Variants in GABRG3 observed in about 807,000 individuals in gnomAD.
GABRG3 encodes the protein gamma-aminobutyric acid receptor subunit gamma-3.
A neutral mutation model predicts 48.8 loss-of-function variants in GABRG3; 25 were observed. The observed-to-expected ratio is 0.51, with a 90% CI of 0.37 to 0.72. GABRG3 has a LOEUF of 0.72. GABRG3 is among the 30% of genes least tolerant of loss of function. GABRG3 has a pLI of 0.00. For synonymous variants in GABRG3, 227 were observed against 217.6 expected (o/e 1.04, Z -0.38); for missense variants, 394 against 577.9 (o/e 0.68, Z 3.26).
intron 6 of GABRG3, among the ~76,000 whole-genome samples, chr15:27,499,189 A>G (rs1247451832): frequency 6.6e-6 from 1 of 152,236 alleles, no homozygotes; most frequent in Non-Finnish European, 1.5e-5. Flanking sequence ...TTAATTTGAT[A>G]CAAAGATATA....
intron 3 of GABRG3, among the ~76,000 whole-genome samples, chr15:27,222,559 A>G (rs1889486005): frequency 6.6e-6 from 1 of 152,206 alleles, no homozygotes; most frequent in Non-Finnish European, 1.5e-5. Context: ...ATGGGTGCAT[A>G]TTGCAGGAAC....
At chr15:27,250,288 C>A (rs76628401) in intron 3 of GABRG3, among the ~76,000 whole-genome samples, 1 of 152,158 alleles carries the variant, frequency 6.6e-6, no homozygotes, top group Non-Finnish European at 1.5e-5. Flanking sequence ...TGCTGTCCAG[C>A]GCCACATGCT....
rs1451096160 is a variant in GABRG3, at chr15:26,976,335, C to T, written c.54-667C>T. 6.6e-6 allele frequency among the ~76,000 whole-genome samples: 1 copy of T among 152,222 alleles called. No homozygotes were observed. The highest frequency in any genetic ancestry group is 1.9e-4 in the East Asian group (1 of 5,190). ...CTTAGTTCTTCATGTCTGTGTTAGCCTGCTGTGCAGGAGATGAATCAGTTT... is the reference window on the plus strand; with the variant it reads ...CTTAGTTCTTCATGTCTGTGTTAGCTTGCTGTGCAGGAGATGAATCAGTTT... On this transcript the variant is annotated intron_variant, in intron 1 of 9. Transcript: ENST00000615808. This position sits in a 1 kb window ranked among gnomAD's most constrained non-coding sequence, Gnocchi z 7.8.
intron 2 of GABRG3, among the ~76,000 whole-genome samples, chr15:27,013,085 A>G (rs1365390314): frequency 6.6e-6 from 1 of 152,180 alleles, no homozygotes; most frequent in African/African-American, 2.4e-5. Flanking sequence ...AGTTAGGCTT[A>G]TCAGCTGTAA....
At chr15:27,492,274 C>T (rs1452539845) in intron 6 of GABRG3, among the ~76,000 whole-genome samples, 1 of 152,196 alleles carries the variant, frequency 6.6e-6, no homozygotes, top group Non-Finnish European at 1.5e-5. Flanking sequence ...AGAGAGGGCA[C>T]ATTCCAACTG....
At chr15:27,381,055 G>T (rs1345290710) in intron 5 of GABRG3, among the ~76,000 whole-genome samples, 1 of 152,066 alleles carries the variant, frequency 6.6e-6, no homozygotes, top group Non-Finnish European at 1.5e-5. Context: ...CTGAGCCACC[G>T]CGCCTGGCCT....
intron 3 of GABRG3, among the ~76,000 whole-genome samples, chr15:27,072,830 C>A (rs990825256): frequency 6.6e-6 from 1 of 152,164 alleles, no homozygotes; most frequent in Non-Finnish European, 1.5e-5. Flanking sequence ...GCAAGACAGC[C>A]CAGAAAGTTA....
intron 5 of GABRG3, among the ~76,000 whole-genome samples, chr15:27,474,869 C>A (rs777375445): frequency 6.6e-6 from 1 of 151,976 alleles, no homozygotes; most frequent in East Asian, 1.9e-4. Context: ...CAGTGGTTCA[C>A]GCCTGTAATC....
intron 3 of GABRG3, among the ~76,000 whole-genome samples, chr15:27,133,595 G>A (rs1595543264): frequency 1.3e-5 from 2 of 152,176 alleles, no homozygotes; most frequent in Admixed American, 1.3e-4. Flanking sequence ...CTGACAAAAG[G>A]CTAGTTGCTC....
At chr15:27,062,334 C>T (rs894131138) in intron 3 of GABRG3, among the ~76,000 whole-genome samples, 3 of 151,114 alleles carry the variant, frequency 2.0e-5, no homozygotes, top group South Asian at 4.2e-4. Context: ...TGGTGGCTCA[C>T]GCCTGTAATC....
rs1186889843 is a variant in GABRG3, at chr15:27,180,952, T to TA, written c.271-145856dup. Among the ~76,000 whole-genome samples, 3 of 152,190 alleles carry TA rather than the reference T, an allele frequency of 2.0e-5. No homozygotes were observed. Among genetic ancestry groups the TA allele is most frequent in the East Asian group, 1.9e-4 (1 of 5,186 alleles). ...TGAAAACCCCTCTCGCTTTGGGTGTTACGTTCAGCTGCTGAATTGTGCTGA... is the reference window on the plus strand; with the variant it reads ...TGAAAACCCCTCTCGCTTTGGGTGTTAACGTTCAGCTGCTGAATTGTGCTGA... On this transcript the variant is annotated intron_variant, in intron 3 of 9. Coordinates refer to ENST00000615808, the MANE Select transcript of GABRG3 (RefSeq NM_033223.5). The surrounding 1 kb of genome is among the most constrained non-coding windows in gnomAD (Gnocchi z 4.2).
intron 3 of GABRG3, among the ~76,000 whole-genome samples, chr15:27,238,838 G>C (rs2140452465): frequency 6.6e-6 from 1 of 152,314 alleles, no homozygotes; most frequent in South Asian, 2.1e-4. Context: ...CCAAAGAACA[G>C]CCAACGTTGC....
chr15:27,172,057 G>T (rs1206192785), intron 3 of GABRG3, among the ~76,000 whole-genome samples: 2 of 152,154 alleles, frequency 1.3e-5, no homozygotes, highest in Non-Finnish European at 2.9e-5. Context: ...TAACTGACCT[G>T]TTCCATGATC....
chr15:27,281,880 A>T, intron 3 of GABRG3, among the ~76,000 whole-genome samples: 1 of 151,924 alleles, frequency 6.6e-6, no homozygotes, highest in African/African-American at 2.4e-5. Flanking sequence ...TTTTACTTTT[A>T]TTATTCCCTT....
chr15:27,199,252 G>A (rs1191484356), intron 3 of GABRG3, among the ~76,000 whole-genome samples: 1 of 152,176 alleles, frequency 6.6e-6, no homozygotes, highest in Non-Finnish European at 1.5e-5. Flanking sequence ...GCCATTATAT[G>A]AGTCTGGTCC....
chr15:27,022,788 T>C (rs1325561226), intron 2 of GABRG3, among the ~76,000 whole-genome samples: 2 of 152,062 alleles, frequency 1.3e-5, no homozygotes, highest in South Asian at 2.1e-4. Context: ...ATCATGATAG[T>C]TCAAATAGCC....
chr15:27,112,457 T>G (rs1489016150), intron 3 of GABRG3, among the ~76,000 whole-genome samples: 1 of 151,030 alleles, frequency 6.6e-6, no homozygotes, highest in African/African-American at 2.4e-5. Flanking sequence ...TTTTTTTTTT[T>G]GGTATGGGGT....
chr15:27,285,360 A>G (rs987383215), intron 3 of GABRG3, among the ~76,000 whole-genome samples: 1 of 151,752 alleles, frequency 6.6e-6, no homozygotes, highest in African/African-American at 2.4e-5. Flanking sequence ...AGGGGGAGGT[A>G]GAGGACCAGC....
intron 3 of GABRG3, among the ~76,000 whole-genome samples, chr15:27,233,715 C>T (rs1334268589): frequency 6.6e-6 from 1 of 152,138 alleles, no homozygotes; most frequent in African/African-American, 2.4e-5. Context: ...GTATATGTGA[C>T]TAAGTGAACC....
Sources: gnomAD v4.1 joint callset for allele counts (sites outside exome capture counted in the v4.1 genomes callset) on GRCh38, gnomAD v4.1.1 for gene constraint, Gnocchi (gnomAD v3.1) non-coding constraint, MANE v1.5 for transcripts, NCBI Gene and HGNC (gene_info 2026-07-23, HGNC 2026-07-21) for gene names.